ADGRD2: variants seen among roughly 807,000 people sequenced by gnomAD.
The protein encoded by ADGRD2 is G protein-coupled receptor PGR24.
In ADGRD2, 71 loss-of-function variants were observed where a neutral mutation model predicts 44.4. The observed-to-expected ratio is 1.60, with a 90% CI of 1.32 to 1.95. The LOEUF (loss-of-function observed/expected upper bound fraction) is 1.95. Ranked by LOEUF, ADGRD2 falls within the 30% of genes most tolerant of loss-of-function variation. The probability of loss-of-function intolerance (pLI) is 0.00; values close to 1 mark genes in which losing one functional copy is unlikely to be tolerated. For missense variants in ADGRD2, 1,039 were observed against 512.4 expected (o/e 2.03, Z -9.92); for synonymous variants, 481 against 224.8 (o/e 2.14, Z -10.19).
chr9:124,475,937 C>T (rs1832042936), intron 19 of ADGRD2, among the ~76,000 whole-genome samples: 1 of 152,210 alleles, frequency 6.6e-6, no homozygotes, highest in African/African-American at 2.4e-5. Context: ...GCCCAGGAAA[C>T]TCTGCAGCCC....
chr9:124,452,183 G>T (rs1831490596), intron 1 of ADGRD2, 29 bp downstream of exon 4: 3 of 695,314 alleles, frequency 4.3e-6, no homozygotes, highest in Non-Finnish European at 8.0e-6. Flanking sequence ...CCCAGGGAGG[G>T]TCCCAGTCCC....
chr9:124,462,536 A>G (rs2131242689), intron 10 of ADGRD2, among the ~76,000 whole-genome samples: 1 of 152,296 alleles, frequency 6.6e-6, no homozygotes, highest in African/African-American at 2.4e-5. Context: ...TTCATTATCA[A>G]GATATAGCTT....
At chr9:124,457,180 G>A (rs997395671) in intron 7 of ADGRD2, among the ~76,000 whole-genome samples, 1 of 152,234 alleles carries the variant, frequency 6.6e-6, no homozygotes, top group African/African-American at 2.4e-5. Flanking sequence ...GGGTGCACCT[G>A]TGGTGAAGCT....
chr9:124,460,887 C>G (rs1384474532), intron 10 of ADGRD2, among the ~76,000 whole-genome samples: 2 of 152,146 alleles, frequency 1.3e-5, no homozygotes, highest in Non-Finnish European at 2.9e-5. Flanking sequence ...CAAACTGTTC[C>G]CCAAAGTGGT....
At chr9:124,469,917 A>G (rs1299733260) in intron 16 of ADGRD2, among the ~76,000 whole-genome samples, 1 of 152,192 alleles carries the variant, frequency 6.6e-6, no homozygotes, top group Non-Finnish European at 1.5e-5. Context: ...CCAGAAGTTC[A>G]GGGTTAGCTC....
At chr9:124,467,351 A>C (rs1227667314) in intron 11 of ADGRD2, 67 of 176,714 alleles carry the variant, frequency 3.8e-4, no homozygotes, top group Middle Eastern at 2.4e-3. Context: ...AAAAAAAAAA[A>C]AAAAAAAAAA....
At chr9:124,464,964 ACC>A (rs1236555101) in intron 10 of ADGRD2, among the ~76,000 whole-genome samples, 2 of 152,178 alleles carry the variant, frequency 1.3e-5, no homozygotes. Flanking sequence ...TGTTCATCTT[ACC>A]AGAGGCAGTG....
At chr9:124,471,622 C>A (rs1831946191) in intron 17 of ADGRD2, among the ~76,000 whole-genome samples, 1 of 152,012 alleles carries the variant, frequency 6.6e-6, no homozygotes, top group South Asian at 2.1e-4. Context: ...GCAGCGGGGG[C>A]ACCACTCCAG....
rs1376046699 is a variant in ADGRD2, at chr9:124,470,547, T to TGGCA, written c.2696_2699dup (p.Ile901ArgfsTer34). On this transcript the variant is annotated frameshift_variant, in exon 17 of 22. Transcript: ENST00000334810. LOFTEE classifies it high-confidence loss of function. ...CTGCCCGTCCTAGGCCTGACCTGGCTGGCAGGCATCCTGGTGCACCTGAGC... is the reference window on the plus strand; with the variant it reads ...CTGCCCGTCCTAGGCCTGACCTGGCTGGCAGGCAGGCATCCTGGTGCACCTGAGC... 17 of 710,782 alleles carry TGGCA rather than the reference T, an allele frequency of 2.4e-5. No individual in the cohort carries two copies. The Middle Eastern group carries it at 2.1e-3, about 86-fold the overall frequency. The allele number at this position is 710,782 out of a possible 1,614,324, so 44.0% of individuals were successfully genotyped here.
exon 18 of ADGRD2, chr9:124,475,485 G>A (rs1832028241): frequency 1.4e-6 from 1 of 714,834 alleles, no homozygotes; most frequent in South Asian, 1.5e-5. Flanking sequence ...CTGCAATGAG[G>A]AGGTGAGTCT....
chr9:124,462,947 C>T (rs1259628365), intron 10 of ADGRD2, among the ~76,000 whole-genome samples: 1 of 150,620 alleles, frequency 6.6e-6, no homozygotes, highest in East Asian at 2.0e-4. Context: ...CTCTCTCTCT[C>T]CTTCCTTCCT....
intron 10 of ADGRD2, among the ~76,000 whole-genome samples, chr9:124,459,983 TA>T (rs1428175590): frequency 6.6e-6 from 1 of 152,108 alleles, no homozygotes; most frequent in African/African-American, 2.4e-5. Context: ...CAAGATATGT[TA>T]AATTTCATTT....
At chr9:124,470,399 C>G (rs146448565) in intron 16 of ADGRD2, 95 bp from the exon 20 acceptor site, 7 of 628,174 alleles carry the variant, frequency 1.1e-5, no homozygotes, top group East Asian at 2.8e-5. Context: ...GCTCCCACCC[C>G]GCTCCAGGCA....
chr9:124,469,876 A>G (rs930338421), intron 16 of ADGRD2, among the ~76,000 whole-genome samples: 1 of 151,994 alleles, frequency 6.6e-6, no homozygotes, highest in African/African-American at 2.4e-5. Context: ...CAGGAGACAA[A>G]GTAGGGGAGA....
At chr9:124,461,068 C>T (rs1433892990) in intron 10 of ADGRD2, among the ~76,000 whole-genome samples, 1 of 152,206 alleles carries the variant, frequency 6.6e-6, no homozygotes, top group African/African-American at 2.4e-5. Flanking sequence ...CTGGGCATCT[C>T]TTTATACACT....
At chr9:124,470,077 C>T (rs1831918854) in intron 16 of ADGRD2, among the ~76,000 whole-genome samples, 1 of 152,178 alleles carries the variant, frequency 6.6e-6, no homozygotes, top group Non-Finnish European at 1.5e-5. Context: ...CCCACCCATC[C>T]TCCACCAAGC....
chr9:124,450,579 T>C (rs1345423375), upstream of ADGRD2, among the ~76,000 whole-genome samples: 3 of 152,224 alleles, frequency 2.0e-5, no homozygotes, highest in Non-Finnish European at 4.4e-5. Flanking sequence ...CTCAGGCCCA[T>C]TGGCGCCTCG....
Position 124,454,132 on chromosome 9 carries a change from G to A in ADGRD2, c.1022+35G>A, listed in dbSNP as rs566847349. 6 of 650,128 alleles carry A rather than the reference G, an allele frequency of 9.2e-6. No individual in the cohort carries two copies. The highest frequency in any genetic ancestry group is 7.3e-5 in the African/African-American group (4 of 54,988). 40.3% of individuals were successfully genotyped at this position (650,128 alleles called of 1,614,324 possible). A position where few individuals can be genotyped will look rare whatever the true frequency, so the allele number is the denominator to read the frequency against. The stretch of plus-strand genomic sequence containing the variant: ...GGCTGTACCCCTGGGCTCTGCTGAA[G>A]GGAAAGCCGGTGTGGACCGGAGTAG... On this transcript the variant is annotated intron_variant, in intron 4 of 21. Transcript: ENST00000334810. This position sits in a 1 kb window ranked among gnomAD's most constrained non-coding sequence, Gnocchi z 4.5.
At chr9:124,466,965 C>T (rs1831835685) in intron 11 of ADGRD2, 1 of 152,542 alleles carries the variant, frequency 6.6e-6, no homozygotes, top group Non-Finnish European at 1.5e-5. Context: ...CTCAGGAACG[C>T]TGGGGTCACT....
Sources: gnomAD v4.1 joint callset for allele counts (sites outside exome capture counted in the v4.1 genomes callset) on GRCh38, gnomAD v4.1.1 for gene constraint, Gnocchi (gnomAD v3.1) non-coding constraint, MANE v1.5 for transcripts, NCBI Gene and HGNC (gene_info 2026-07-23, HGNC 2026-07-21) for gene names.